CUL4A: variants seen among roughly 807,000 people sequenced by gnomAD.
CUL4A encodes cullin 4A.
A neutral mutation model predicts 95.5 loss-of-function variants in CUL4A; 16 were observed. That is an observed-to-expected ratio of 0.17 (90% CI 0.11 to 0.25). CUL4A has a LOEUF of 0.25. CUL4A is among the 10% of genes least tolerant of loss of function. The probability of loss-of-function intolerance (pLI) is 1.00; values close to 1 mark genes in which losing one functional copy is unlikely to be tolerated. For missense variants in CUL4A, 610 were observed against 937.0 expected (o/e 0.65, Z 4.56); for synonymous variants, 380 against 353.1 (o/e 1.08, Z -0.85).
intron 2 of CUL4A, among the ~76,000 whole-genome samples, chr13:113,211,255 G>A (rs2040430153): frequency 1.3e-5 from 2 of 152,194 alleles, no homozygotes; most frequent in Admixed American, 6.5e-5. Flanking sequence ...CTTTCACTTA[G>A]GACAGTGCTT....
intron 9 of CUL4A, among the ~76,000 whole-genome samples, chr13:113,239,149 CT>C (rs2041632427): frequency 2.6e-5 from 4 of 152,124 alleles, no homozygotes; most frequent in African/African-American, 9.7e-5. Flanking sequence ...TTGGTGTAAA[CT>C]GGATTTTCTG....
chr13:113,260,720 A>G lies in CUL4A; in HGVS notation c.2145A>G (p.Leu715=). 3 of 1,602,840 alleles carry G rather than the reference A, an allele frequency of 1.9e-6. No homozygotes were observed. The highest frequency in any genetic ancestry group is 2.6e-6 in the Non-Finnish European group (3 of 1,174,610). Reference sequence around the variant, plus strand: ...GAAAGACTCTTGGTCATAATCTTCTAGTTTCTGAATTATATAATCAGCTGA... The same window carrying G: ...GAAAGACTCTTGGTCATAATCTTCTGGTTTCTGAATTATATAATCAGCTGA... ...KMRKTLGHNL[L]VSELYNQLKF... is the part of the protein sequence containing the mutation. Residue 715 remains leucine, a synonymous_variant, in exon 19 of 20, where the codon CTA becomes CTG. Transcript: ENST00000375440.
At chr13:113,210,680 G>T (rs1262937583) in intron 2 of CUL4A, among the ~76,000 whole-genome samples, 2 of 152,096 alleles carry the variant, frequency 1.3e-5, no homozygotes, top group African/African-American at 4.8e-5. Flanking sequence ...ATTTATAAGC[G>T]ACTTTTTTTC....
chr13:113,257,482 G>A (rs1001866779), intron 18 of CUL4A, among the ~76,000 whole-genome samples: 1 of 152,154 alleles, frequency 6.6e-6, no homozygotes, highest in Admixed American at 6.5e-5. Flanking sequence ...AGCTTCTGAC[G>A]AGGCCTCAGG....
intron 5 of CUL4A, chr13:113,229,737 G>C: frequency 1.9e-6 from 1 of 533,558 alleles, no homozygotes; most frequent in Non-Finnish European, 3.3e-6. Context: ...AGGAAGCTCG[G>C]ACAGGCGGCT....
At chr13:113,210,417 CTG>C (rs1231810952) in intron 2 of CUL4A, among the ~76,000 whole-genome samples, 2 of 152,232 alleles carry the variant, frequency 1.3e-5, no homozygotes, top group East Asian at 1.9e-4. Flanking sequence ...AAACTCATGA[CTG>C]TGTCACTTGC....
intron 19 of CUL4A, among the ~76,000 whole-genome samples, chr13:113,262,141 T>C (rs909681908): frequency 4.6e-5 from 7 of 152,116 alleles, no homozygotes; most frequent in African/African-American, 1.4e-4. Flanking sequence ...GTTTGGAAAA[T>C]AGAGGGTCTC....
In CUL4A at chr13:113,213,845, A is replaced by G. The variant is rs576664404; in HGVS notation, c.264+3757A>G. Among the ~76,000 whole-genome samples, 12 of 152,366 alleles carry G rather than the reference A, an allele frequency of 7.9e-5. No homozygotes were observed. The South Asian group carries it at 2.5e-3, about 32-fold the overall frequency. On this transcript the variant is annotated intron_variant, in intron 2 of 19. Transcript: ENST00000375440. The stretch of plus-strand genomic sequence containing the variant: ...GCCCCACCAGGGGATATGTGGAATC[A>G]GTTGATTCACTTACTTGTGATCATC...
At chr13:113,237,706 C>A (rs1400207391) in intron 9 of CUL4A, among the ~76,000 whole-genome samples, 3 of 152,080 alleles carry the variant, frequency 2.0e-5, no homozygotes, top group African/African-American at 4.8e-5. Flanking sequence ...AGACTTTTTT[C>A]AAGCCATTGG....
At chr13:113,232,035 G>GTCACCACTACCCGCCCACCACCATTA (rs1566342732) in intron 5 of CUL4A, among the ~76,000 whole-genome samples, 1 of 70,630 alleles carries the variant, frequency 1.4e-5, no homozygotes, top group African/African-American at 5.7e-5. Flanking sequence ...CACCATTACT[G>GTCACCACTACCCGCCCACCACCATTA]CTGCCACCAC....
At chr13:113,244,031 T>C (rs1288185984) in intron 11 of CUL4A, among the ~76,000 whole-genome samples, 2 of 99,356 alleles carry the variant, frequency 2.0e-5, no homozygotes, top group South Asian at 6.1e-4. Flanking sequence ...AAAGTCTTTC[T>C]CTTTGAGAAT....
At chr13:113,211,125 A>G (rs1342041214) in intron 2 of CUL4A, among the ~76,000 whole-genome samples, 1 of 152,230 alleles carries the variant, frequency 6.6e-6, no homozygotes, top group Non-Finnish European at 1.5e-5. Flanking sequence ...TTTTGCAGTC[A>G]GCCCTCTCCC....
chr13:113,223,791 C>T (rs1054747178), intron 3 of CUL4A, among the ~76,000 whole-genome samples: 4 of 152,172 alleles, frequency 2.6e-5, no homozygotes, highest in Non-Finnish European at 4.4e-5. Flanking sequence ...AGAAAAAGGG[C>T]TTTTGTGGAA....
At position 113,254,802 on chromosome 13, in the gene CUL4A, C is replaced by T. The variant is rs183360385; in HGVS notation, c.1858+4C>T. 1.2e-4 allele frequency: 196 copies of T among 1,610,054 alleles called. No individual in the cohort carries two copies. The Admixed American group carries it at 2.8e-3, about 23-fold the overall frequency. ...ATAAAAATGGCCACGGGGATAGGTA[C>T]GAAAACTGCAGAGTGCATAGCTCCA... On this transcript the variant is annotated splice_donor_region_variant and intron_variant, in intron 17 of 19. Transcript: ENST00000375440.
chr13:113,217,401 C>T (rs2040734511), intron 2 of CUL4A, among the ~76,000 whole-genome samples: 1 of 152,058 alleles, frequency 6.6e-6, no homozygotes, highest in African/African-American at 2.4e-5. Context: ...TATAGTAAGA[C>T]AAAATGTAGG....
At chr13:113,240,358 G>A (rs1312469938) in intron 10 of CUL4A, among the ~76,000 whole-genome samples, 1 of 152,176 alleles carries the variant, frequency 6.6e-6, no homozygotes, top group African/African-American at 2.4e-5. Flanking sequence ...CAAGAAACCT[G>A]CTGAAGACCC....
chr13:113,223,763 C>T (rs1217938755), intron 3 of CUL4A, among the ~76,000 whole-genome samples: 1 of 152,152 alleles, frequency 6.6e-6, no homozygotes, highest in Non-Finnish European at 1.5e-5. Context: ...ATAGATGAAA[C>T]CCATCAGATG....
chr13:113,234,685 T>C lies in CUL4A; in HGVS notation c.766-378T>C, dbSNP rs115825396. Among the ~76,000 whole-genome samples the C allele has an allele frequency of 5.1e-3, 783 of 152,304 alleles. 3 individuals carry two copies. Among genetic ancestry groups the C allele is most frequent in the Middle Eastern group, 0.024 (7 of 294 alleles). ...GAACAACCACCTTGTTGACTTGCTTTTGCTGACCCAGCTGTGCGGGGCAGG... is the reference window on the plus strand; with the variant it reads ...GAACAACCACCTTGTTGACTTGCTTCTGCTGACCCAGCTGTGCGGGGCAGG... On this transcript the variant is annotated intron_variant, in intron 7 of 19. Transcript: ENST00000375440.
rs148127573 is a variant in CUL4A, at chr13:113,212,571, G to A, written c.264+2483G>A. ...GCCAAGGTGGGTAGATCGCCTGAGC[G>A]TCAGGATTTTGAGACCAGCCTGGCC... On this transcript the variant is annotated intron_variant, in intron 2 of 19. Transcript: ENST00000375440. 4.7e-3 allele frequency among the ~76,000 whole-genome samples: 718 copies of A among 152,110 alleles called. 7 individuals carry two copies. Among genetic ancestry groups the A allele is most frequent in the African/African-American group, 0.016 (654 of 41,456 alleles).
Sources: gnomAD v4.1 joint callset for allele counts (sites outside exome capture counted in the v4.1 genomes callset) on GRCh38, gnomAD v4.1.1 for gene constraint, MANE v1.5 for transcripts, NCBI Gene and HGNC (gene_info 2026-07-23, HGNC 2026-07-21) for gene names.